The following PDE11A variants were observed in gnomAD, a reference collection of about 807,000 sequenced individuals.
PDE11A encodes the protein phosphodiesterase 11A.
In PDE11A, 100 loss-of-function variants were observed where a neutral mutation model predicts 100.5. The ratio of observed to expected loss-of-function variants is 1.00; its 90% CI spans 0.85 to 1.18. The LOEUF (loss-of-function observed/expected upper bound fraction) is 1.18, where lower values mean the gene tolerates loss of function less well. PDE11A is among the 50% of genes most tolerant of loss of function. The pLI, the probability that PDE11A is intolerant of heterozygous loss-of-function variation, is 0.00. For synonymous variants in PDE11A, 381 were observed against 420.8 expected (o/e 0.91, Z 1.16); for missense variants, 1,141 against 1,152.6 (o/e 0.99, Z 0.15).
chr2:177,691,987 G>T (rs927539987), intron 15 of PDE11A, among the ~76,000 whole-genome samples: 3 of 152,028 alleles, frequency 2.0e-5, no homozygotes, highest in African/African-American at 7.3e-5. Context: ...CTGCTAATTG[G>T]ACTGTATATT....
intron 4 of PDE11A, among the ~76,000 whole-genome samples, chr2:177,883,490 G>A (rs1201855340): frequency 1.3e-5 from 2 of 152,192 alleles, no homozygotes; most frequent in East Asian, 1.9e-4. Flanking sequence ...GAAGCAAACA[G>A]TTCACAAATG....
At chr2:177,748,042 T>C (rs1319184162) in intron 10 of PDE11A, among the ~76,000 whole-genome samples, 2 of 152,172 alleles carry the variant, frequency 1.3e-5, no homozygotes, top group Non-Finnish European at 2.9e-5. Flanking sequence ...CAGGATGCCC[T>C]GCTCAATCTT....
At chr2:177,791,444 G>GAGTT (rs2082631204) in intron 9 of PDE11A, among the ~76,000 whole-genome samples, 1 of 149,150 alleles carries the variant, frequency 6.7e-6, no homozygotes, top group African/African-American at 2.5e-5. Flanking sequence ...GTTAAATGAC[G>GAGTT]AGTTAATGGG....
At chr2:178,041,788 G>T (rs1403510708) in intron 1 of PDE11A, among the ~76,000 whole-genome samples, 1 of 152,150 alleles carries the variant, frequency 6.6e-6, no homozygotes, top group Non-Finnish European at 1.5e-5. Context: ...TGTTTGTCCA[G>T]TTTCACATCT....
intron 1 of PDE11A, among the ~76,000 whole-genome samples, chr2:178,058,332 T>C (rs1333504276): frequency 6.6e-6 from 1 of 152,250 alleles, no homozygotes; most frequent in Non-Finnish European, 1.5e-5. Context: ...CCACATGTTG[T>C]GGAAGGAATC....
intron 10 of PDE11A, among the ~76,000 whole-genome samples, chr2:177,760,966 A>T (rs940552154): frequency 6.6e-6 from 1 of 152,228 alleles, no homozygotes; most frequent in South Asian, 2.1e-4. Context: ...AGACTATAGA[A>T]CTATATAAAA....
intron 9 of PDE11A, among the ~76,000 whole-genome samples, chr2:177,808,677 AGACACTGGTAGCT>A (rs2105565522): frequency 6.6e-6 from 1 of 152,312 alleles, no homozygotes; most frequent in African/African-American, 2.4e-5. Flanking sequence ...ACATGCTAGC[AGACACTGGTAGCT>A]GATCCATACC....
chr2:177,845,433 G>T (rs1394679446), intron 5 of PDE11A, among the ~76,000 whole-genome samples: 1 of 151,740 alleles, frequency 6.6e-6, no homozygotes, highest in Non-Finnish European at 1.5e-5. Flanking sequence ...TCAGACGATG[G>T]GCGGCCGGGC....
intron 5 of PDE11A, among the ~76,000 whole-genome samples, chr2:177,841,599 T>A (rs1194512909): frequency 2.0e-5 from 3 of 152,242 alleles, no homozygotes; most frequent in African/African-American, 7.2e-5. Flanking sequence ...ATTGGATGCA[T>A]GAGTGAGTGG....
In PDE11A at chr2:178,072,698, C is replaced by G; in HGVS notation, c.-261G>C. On this transcript the variant is annotated 5_prime_UTR_variant, in exon 1 of 20. Transcript: ENST00000286063. ...CAGCACTGAGCTGCCGCCGCTGCCC[C>G]GGCTCCTGTTCCGGAAACCCGAGCT... The G allele has an allele frequency of 7.1e-7, 1 of 1,399,714 alleles. No homozygotes were observed. Among genetic ancestry groups the G allele is most frequent in the South Asian group, 1.5e-5 (1 of 66,814 alleles). 86.7% of individuals were successfully genotyped at this position (1,399,714 alleles called of 1,614,324 possible). A position where few individuals can be genotyped will look rare whatever the true frequency, so the allele number is the denominator to read the frequency against.
At chr2:178,082,616 T>C (rs544950270) in intron 2 of PDE11A, among the ~76,000 whole-genome samples, 1 of 152,282 alleles carries the variant, frequency 6.6e-6, no homozygotes, top group South Asian at 2.1e-4. Flanking sequence ...GGAGGAGTCA[T>C]GAATATTTAT....
At chr2:177,820,597 C>T (rs905059988) in intron 6 of PDE11A, among the ~76,000 whole-genome samples, 42 of 151,900 alleles carry the variant, frequency 2.8e-4, no homozygotes, top group Non-Finnish European at 2.5e-4. Context: ...CATGACCACA[C>T]CACTAGACAA....
intron 7 of PDE11A, among the ~76,000 whole-genome samples, chr2:177,819,868 T>TTCTCTCTCTCTCTCTCTCTC (rs34374310): frequency 1.1e-4 from 15 of 139,178 alleles, no homozygotes; most frequent in South Asian, 2.3e-4. Flanking sequence ...CTTTCTCTCT[T>TTCTCTCTCTCTCTCTCTCTC]TCTCTCTCTC....
intron 9 of PDE11A, among the ~76,000 whole-genome samples, chr2:177,803,083 T>C (rs979971157): frequency 6.6e-6 from 1 of 151,706 alleles, no homozygotes; most frequent in Non-Finnish European, 1.5e-5. Flanking sequence ...AAAAAAAAGA[T>C]AACAAATAAT....
chr2:177,720,959 G>T (rs1229727460), intron 12 of PDE11A, among the ~76,000 whole-genome samples: 2 of 152,074 alleles, frequency 1.3e-5, no homozygotes, highest in Non-Finnish European at 2.9e-5. Flanking sequence ...GGTTGCAAGT[G>T]CTTGTGTATG....
chr2:177,769,623 C>A (rs77727269), intron 9 of PDE11A, among the ~76,000 whole-genome samples: 2,151 of 152,198 alleles, frequency 0.014, 42 homozygotes, highest in East Asian at 0.046. Flanking sequence ...TGCAGTGCTT[C>A]GCGCCTGTAA....
chr2:177,956,913 G>A (rs2105786603), intron 2 of PDE11A, among the ~76,000 whole-genome samples: 1 of 152,234 alleles, frequency 6.6e-6, no homozygotes, highest in East Asian at 1.9e-4. Context: ...ACTGTTGTGG[G>A]GTGGGGGAGG....
chr2:178,072,591 G>C lies in PDE11A; in HGVS notation c.-154C>G. ...TTATTCCCAGCAGTGGAATCTGGGA[G>C]ATGCCCCTTCCTTCTCTGGCTCAGA... On this transcript the variant is annotated 5_prime_UTR_variant, in exon 1 of 20. The change creates a new upstream start codon in the 5' untranslated region. Coordinates refer to ENST00000286063, the MANE Select transcript of PDE11A (RefSeq NM_016953.4). 1 of 1,518,398 alleles carries C rather than the reference G, an allele frequency of 6.6e-7. No individual in the cohort carries two copies. The highest frequency in any genetic ancestry group is 2.5e-5 in the East Asian group (1 of 40,750). The allele number at this position is 1,518,398 out of a possible 1,614,324, so 94.1% of individuals were successfully genotyped here.
chr2:177,906,831 A>G (rs907993970), intron 2 of PDE11A, among the ~76,000 whole-genome samples: 27 of 152,232 alleles, frequency 1.8e-4, no homozygotes, highest in African/African-American at 6.5e-4. Context: ...ACCACTTTCA[A>G]TATCACCTAC....
Sources: gnomAD v4.1 joint callset for allele counts (sites outside exome capture counted in the v4.1 genomes callset) on GRCh38, gnomAD v4.1.1 for gene constraint, MANE v1.5 for transcripts, NCBI Gene and HGNC (gene_info 2026-07-23, HGNC 2026-07-21) for gene names.